WWOX: variants seen among roughly 807,000 people sequenced by gnomAD.
WWOX encodes the protein WW domain containing oxidoreductase.
WWOX carries 69 observed loss-of-function variants against 46.2 expected under a neutral mutation model. The observed-to-expected ratio is 1.49, with a 90% CI of 1.23 to 1.82. WWOX has a LOEUF of 1.82. WWOX is among the 40% of genes most tolerant of loss of function. The probability of loss-of-function intolerance (pLI) is 0.00; values close to 1 mark genes in which losing one functional copy is unlikely to be tolerated. For synonymous variants in WWOX, 359 were observed against 202.6 expected, an observed-to-expected ratio of 1.77 and a Z score of -6.56; for missense variants, 919 against 542.6, an observed-to-expected ratio of 1.69 and a Z score of -6.89.
intron 5 of WWOX, among the ~76,000 whole-genome samples, chr16:78,300,582 C>G (rs1288690558): frequency 6.6e-6 from 1 of 151,812 alleles, no homozygotes; most frequent in African/African-American, 2.4e-5. Flanking sequence ...CCTTTCGCAT[C>G]TGACATCTCC....
chr16:78,839,862 G>T (rs902737337), intron 8 of WWOX, among the ~76,000 whole-genome samples: 2 of 152,160 alleles, frequency 1.3e-5, no homozygotes, highest in East Asian at 1.9e-4. Context: ...TTTGTTTCCA[G>T]TGACCTCCCA....
chr16:78,131,075 A>G (rs570867204), intron 4 of WWOX, among the ~76,000 whole-genome samples: 6 of 152,246 alleles, frequency 3.9e-5, no homozygotes, highest in African/African-American at 7.2e-5. Flanking sequence ...ATCTAAACAC[A>G]GAAGTGGTAC....
chr16:78,863,638 T>A (rs997477368), intron 8 of WWOX, among the ~76,000 whole-genome samples: 1 of 152,182 alleles, frequency 6.6e-6, no homozygotes, highest in Non-Finnish European at 1.5e-5. Flanking sequence ...AAGTCTCTTA[T>A]TTACTCAGTG....
At chr16:78,175,552 A>G (rs1207957375) in intron 5 of WWOX, among the ~76,000 whole-genome samples, 2 of 152,080 alleles carry the variant, frequency 1.3e-5, no homozygotes, top group Non-Finnish European at 2.9e-5. Context: ...TTGTGAGGAA[A>G]CTCAAGCAGA....
intron 8 of WWOX, among the ~76,000 whole-genome samples, chr16:79,177,285 A>G (rs2050818959): frequency 6.6e-6 from 1 of 152,136 alleles, no homozygotes; most frequent in South Asian, 2.1e-4. Flanking sequence ...TACACCATTT[A>G]TTCCTCGCCT....
intron 8 of WWOX, among the ~76,000 whole-genome samples, chr16:78,488,845 C>G (rs1466501023): frequency 6.6e-6 from 1 of 152,186 alleles, no homozygotes; most frequent in Non-Finnish European, 1.5e-5. Flanking sequence ...AGTCAAATAA[C>G]ATGCCCAATG....
At chr16:78,406,762 G>C (rs550669998) in intron 6 of WWOX, among the ~76,000 whole-genome samples, 1 of 152,076 alleles carries the variant, frequency 6.6e-6, no homozygotes, top group African/African-American at 2.4e-5. Flanking sequence ...CAGTAGCTGG[G>C]ATTACAGTCG....
intron 4 of WWOX, among the ~76,000 whole-genome samples, chr16:78,118,016 C>T (rs973638372): frequency 6.6e-6 from 1 of 150,788 alleles, no homozygotes; most frequent in Non-Finnish European, 1.5e-5. Context: ...TCTAGTATTT[C>T]CAGTGGTTCT....
chr16:79,009,960 G>A (rs1032454136), intron 8 of WWOX, among the ~76,000 whole-genome samples: 1 of 152,200 alleles, frequency 6.6e-6, no homozygotes, highest in Non-Finnish European at 1.5e-5. Context: ...CCTTGGGCAA[G>A]TCATTGACCT....
intron 8 of WWOX, among the ~76,000 whole-genome samples, chr16:78,453,266 G>A (rs2083735269): frequency 6.6e-6 from 1 of 151,862 alleles, no homozygotes; most frequent in Non-Finnish European, 1.5e-5. Context: ...TGTACTAAAA[G>A]TACAGAAATT....
chr16:78,681,410 C>A (rs1332044924), intron 8 of WWOX, among the ~76,000 whole-genome samples: 1 of 152,032 alleles, frequency 6.6e-6, no homozygotes, highest in Admixed American at 6.6e-5. Flanking sequence ...TCTCAAAAAA[C>A]CAAAACAAAG....
chr16:78,893,193 GAA>G (rs1052640606), intron 8 of WWOX, among the ~76,000 whole-genome samples: 5 of 144,276 alleles, frequency 3.5e-5, no homozygotes, highest in African/African-American at 1.3e-4. Context: ...ACTATAGCTA[GAA>G]AAAAAAAAAA....
At chr16:79,029,010 CA>C (rs1319831842) in intron 8 of WWOX, among the ~76,000 whole-genome samples, 1 of 149,592 alleles carries the variant, frequency 6.7e-6, no homozygotes, top group African/African-American at 2.6e-5. Context: ...AAAATAAGCA[CA>C]ATACAAATTA....
At chr16:78,452,683 C>A (rs2083721516) in intron 8 of WWOX, among the ~76,000 whole-genome samples, 1 of 151,894 alleles carries the variant, frequency 6.6e-6, no homozygotes, top group South Asian at 2.1e-4. Flanking sequence ...ACCATGTTGG[C>A]CAGGCTGGTA....
intron 5 of WWOX, among the ~76,000 whole-genome samples, chr16:78,299,701 G>C (rs1349128090): frequency 6.6e-6 from 1 of 151,622 alleles, no homozygotes; most frequent in Non-Finnish European, 1.5e-5. Flanking sequence ...CTAATTTTTT[G>C]TATATTTAGT....
intron 8 of WWOX, among the ~76,000 whole-genome samples, chr16:79,156,887 C>T (rs1294732805): frequency 6.6e-6 from 1 of 151,052 alleles, no homozygotes; most frequent in Non-Finnish European, 1.5e-5. Flanking sequence ...AAACTAACAA[C>T]TAACAGAAAA....
chr16:78,806,943 C>G (rs1250985242), intron 8 of WWOX, among the ~76,000 whole-genome samples: 2 of 152,164 alleles, frequency 1.3e-5, no homozygotes, highest in East Asian at 1.9e-4. Context: ...GCTTTTGAAT[C>G]CTACCTCTGC....
chr16:79,032,319 C>G (rs1021697317), intron 8 of WWOX, among the ~76,000 whole-genome samples: 5 of 143,642 alleles, frequency 3.5e-5, no homozygotes, highest in East Asian at 4.0e-4. Context: ...AATATGTAGT[C>G]TATATATTAT....
chr16:78,178,348 C>CT (rs1200300749), intron 5 of WWOX, among the ~76,000 whole-genome samples: 1 of 152,218 alleles, frequency 6.6e-6, no homozygotes, highest in Non-Finnish European at 1.5e-5. Flanking sequence ...AAAATTGTCT[C>CT]TGTTTATTGG....
Sources: gnomAD v4.1 joint callset for allele counts (sites outside exome capture counted in the v4.1 genomes callset) on GRCh38, gnomAD v4.1.1 for gene constraint, MANE v1.5 for transcripts, NCBI Gene and HGNC (gene_info 2026-07-23, HGNC 2026-07-21) for gene names.